FYB2: variants seen among roughly 807,000 people sequenced by gnomAD.
FYB2 encodes the protein FYN binding protein 2, also known as FYN-binding protein 2.
A neutral mutation model predicts 94.1 loss-of-function variants in FYB2; 103 were observed. That is an observed-to-expected ratio of 1.09 (90% confidence interval 0.93 to 1.29). FYB2 has a LOEUF of 1.29. FYB2 is among the 50% of genes most tolerant of loss of function. FYB2 has a pLI of 0.00. For synonymous variants in FYB2, 293 were observed against 287.9 expected, an observed-to-expected ratio of 1.02 and a Z score of -0.18; for missense variants, 896 against 841.5, an observed-to-expected ratio of 1.06 and a Z score of -0.80.
intron 4 of FYB2, among the ~76,000 whole-genome samples, chr1:56,782,922 C>T (rs189341715): frequency 2.0e-5 from 3 of 152,280 alleles, no homozygotes; most frequent in African/African-American, 7.2e-5. Context: ...TATTAGCCAA[C>T]TCTGCTAAGT....
intron 4 of FYB2, among the ~76,000 whole-genome samples, chr1:56,778,253 T>C (rs1234898684): frequency 1.3e-5 from 2 of 152,194 alleles, no homozygotes; most frequent in African/African-American, 4.8e-5. Flanking sequence ...CAGCCCTCCT[T>C]CCCACCTATT....
chr1:56,785,629 TG>T (rs1038680457), intron 4 of FYB2, among the ~76,000 whole-genome samples: 3 of 152,218 alleles, frequency 2.0e-5, no homozygotes, highest in African/African-American at 7.2e-5. Flanking sequence ...CTCTGTGATG[TG>T]GTTCCTGTTT....
At chr1:56,763,337 T>C (rs548986181) in intron 5 of FYB2, among the ~76,000 whole-genome samples, 1 of 152,334 alleles carries the variant, frequency 6.6e-6, no homozygotes, top group African/African-American at 2.4e-5. Context: ...TGGTATTAAT[T>C]CATCTTTAAA....
intron 1 of FYB2, among the ~76,000 whole-genome samples, chr1:56,812,661 C>T (rs529167651): frequency 6.6e-6 from 1 of 152,174 alleles, no homozygotes; most frequent in Non-Finnish European, 1.5e-5. Flanking sequence ...AAGCTAAAAC[C>T]CAGAAGTCAG....
At chr1:56,794,938 C>T (rs1194626534) in intron 1 of FYB2, among the ~76,000 whole-genome samples, 2 of 151,980 alleles carry the variant, frequency 1.3e-5, no homozygotes, top group Non-Finnish European at 2.9e-5. Flanking sequence ...TGAGATAACA[C>T]ACATACACAC....
chr1:56,788,921 G>T (rs1233611116), intron 3 of FYB2, 52 bp downstream of exon 3: 4 of 1,601,434 alleles, frequency 2.5e-6, no homozygotes, highest in South Asian at 1.1e-5. Context: ...AGGATGTGGA[G>T]ACGGAGGTGA....
chr1:56,818,434 T>C (rs540680148), intron 1 of FYB2, among the ~76,000 whole-genome samples: 23 of 149,436 alleles, frequency 1.5e-4, no homozygotes, highest in African/African-American at 5.2e-4. Flanking sequence ...ACTCCAAATA[T>C]ATAATAAAAA....
intron 1 of FYB2, among the ~76,000 whole-genome samples, chr1:56,805,690 T>C (rs1570231601): frequency 6.6e-6 from 1 of 152,140 alleles, no homozygotes; most frequent in Non-Finnish European, 1.5e-5. Flanking sequence ...CAGTGGGAGG[T>C]AATTGAATCA....
At chr1:56,819,623 C>T (rs878991028), upstream of FYB2, 1 of 492,386 alleles carries the variant, frequency 2.0e-6, no homozygotes, top group South Asian at 2.3e-5. Flanking sequence ...CTGACAGTCA[C>T]TCACTCTCCA....
chr1:56,822,473 A>G (rs116293359), upstream of FYB2, among the ~76,000 whole-genome samples: 2,845 of 152,356 alleles, frequency 0.019, 60 homozygotes, highest in Middle Eastern at 0.044. Flanking sequence ...AGATATTTCT[A>G]GTTGTTCAAG....
rs150549471 is a variant in FYB2 at position 56,787,175 on chromosome 1, C to G, written c.953G>C (p.Arg318Thr). The change falls in exon 4 of 20, where the codon AGG becomes ACG. Residue 318 changes from arginine (R) to threonine (T), a missense_variant and splice_region_variant. Transcript: ENST00000343433. ...TVEEGSLSPE[R>T]LFNAEFEEPH... ...ACACAACTAAGGAGCATGTACTTAC[C>G]TCTCTGGAGACAGGGAGCCCTCTTC... is the stretch of plus-strand genomic sequence containing the variant. 4.0e-3 allele frequency: 6,459 copies of G among 1,613,952 alleles called. 19 individuals carry two copies. The highest frequency in any genetic ancestry group is 5.0e-3 in the Non-Finnish European group (5,898 of 1,179,860).
intron 14 of FYB2, chr1:56,737,774 T>A (rs1353436800): frequency 6.6e-6 from 1 of 152,102 alleles, no homozygotes; most frequent in Non-Finnish European, 1.5e-5. Context: ...AGTATAATTA[T>A]TCATAATTAT....
chr1:56,810,157 T>G (rs1646734166), intron 1 of FYB2, among the ~76,000 whole-genome samples: 1 of 152,138 alleles, frequency 6.6e-6, no homozygotes, highest in South Asian at 2.1e-4. Context: ...AGAGTACATG[T>G]TCAGTAAATA....
intron 5 of FYB2, among the ~76,000 whole-genome samples, chr1:56,759,785 A>T (rs554800469): frequency 1.3e-5 from 2 of 152,114 alleles, no homozygotes; most frequent in Non-Finnish European, 2.9e-5. Context: ...ATTCAAGGAA[A>T]TAATTTAAGA....
chr1:56,762,042 C>A (rs768876677), intron 5 of FYB2: 1 of 152,134 alleles, frequency 6.6e-6, no homozygotes, highest in Non-Finnish European at 1.5e-5. Flanking sequence ...AACAGTTGGG[C>A]ATATCTGTAT....
intron 9 of FYB2, among the ~76,000 whole-genome samples, chr1:56,746,327 TA>T (rs1645066256): frequency 6.6e-6 from 1 of 152,048 alleles, no homozygotes; most frequent in Admixed American, 6.6e-5. Context: ...TGTTTACTGA[TA>T]TTTTTAAATT....
chr1:56,820,108 G>A (rs567348472), upstream of FYB2, among the ~76,000 whole-genome samples: 9 of 152,044 alleles, frequency 5.9e-5, no homozygotes, highest in African/African-American at 2.2e-4. Flanking sequence ...GTGGGTGCCT[G>A]TAATCCCAGC....
chr1:56,749,673 C>T (rs1040039002), intron 9 of FYB2, among the ~76,000 whole-genome samples: 3 of 151,954 alleles, frequency 2.0e-5, no homozygotes, highest in African/African-American at 7.2e-5. Flanking sequence ...ATCTGTTCCA[C>T]TGGTTTTCCC....
At chr1:56,722,014 T>G (rs1361398132) in intron 17 of FYB2, among the ~76,000 whole-genome samples, 1 of 152,034 alleles carries the variant, frequency 6.6e-6, no homozygotes, top group African/African-American at 2.4e-5. Flanking sequence ...AGAATGGAAT[T>G]ATACACATAT....
Sources: allele counts gnomAD v4.1 joint callset (sites outside exome capture counted in the v4.1 genomes callset), GRCh38; gene constraint gnomAD v4.1.1; transcripts MANE v1.5; gene names NCBI Gene and HGNC (gene_info 2026-07-23, HGNC 2026-07-21).